The following DPP6 variants were observed in gnomAD, a reference collection of about 807,000 sequenced individuals.
DPP6 encodes the protein A-type potassium channel modulatory protein DPP6.
In DPP6, 69 loss-of-function variants were observed where a neutral mutation model predicts 122.6. That is an observed-to-expected ratio of 0.56 (90% CI 0.46 to 0.69). DPP6 has a LOEUF of 0.69. Ranked by LOEUF, DPP6 falls within the 30% of genes least tolerant of loss-of-function variation. The pLI is 0.00. For missense variants in DPP6, 928 were observed against 1,116.9 expected, an observed-to-expected ratio of 0.83 and a Z score of 2.41; for synonymous variants, 418 against 433.1, an observed-to-expected ratio of 0.97 and a Z score of 0.43.
intron 1 of DPP6, among the ~76,000 whole-genome samples, chr7:154,355,169 T>A (rs901239890): frequency 6.6e-6 from 1 of 152,206 alleles, no homozygotes; most frequent in Non-Finnish European, 1.5e-5. Flanking sequence ...CCTATTCAAG[T>A]TTTTTGCTCA....
intron 1 of DPP6, among the ~76,000 whole-genome samples, chr7:153,987,103 T>G (rs1307424365): frequency 1.3e-5 from 2 of 152,220 alleles, no homozygotes; most frequent in Non-Finnish European, 2.9e-5. Context: ...TATTTATTAT[T>G]TGGTAAAAGT....
At position 154,545,371 on chromosome 7, in the gene DPP6, C is replaced by T. The variant is rs550736971; in HGVS notation, c.552+4745C>T. ...CATTTGGCCAATGGTTGCCTGGTTCCTAAAGTCCTCATGAATTTTTATCTT... is the reference window on the plus strand; with the variant it reads ...CATTTGGCCAATGGTTGCCTGGTTCTTAAAGTCCTCATGAATTTTTATCTT... On this transcript the variant is annotated intron_variant, in intron 4 of 25. Coordinates refer to ENST00000377770, the MANE Select transcript of DPP6 (RefSeq NM_130797.4). Among the ~76,000 whole-genome samples, 3 of 152,080 alleles carry T rather than the reference C, an allele frequency of 2.0e-5. No homozygotes were observed. The South Asian group carries it at 6.2e-4, about 32-fold the overall frequency.
At chr7:153,965,161 G>A (rs1239751455) in intron 1 of DPP6, among the ~76,000 whole-genome samples, 1 of 151,716 alleles carries the variant, frequency 6.6e-6, no homozygotes, top group Non-Finnish European at 1.5e-5. Context: ...TGTAACCGTG[G>A]CTCTTATCCA....
intron 1 of DPP6, among the ~76,000 whole-genome samples, chr7:154,289,382 C>T (rs1278813614): frequency 6.6e-6 from 1 of 152,142 alleles, no homozygotes; most frequent in East Asian, 1.9e-4. Context: ...GAGCCCTTCC[C>T]ATCTGATCCT....
chr7:154,832,567 C>T lies in DPP6; in HGVS notation c.1667-21213C>T, dbSNP rs78527326. ...ATTAAGACACTCGTTACGTCTCACG[C>T]GAGGGCACACAGCTGATCAGGAGCT... On this transcript the variant is annotated intron_variant, in intron 16 of 25. Transcript: ENST00000377770. Among the ~76,000 whole-genome samples, 1,164 of 152,264 alleles carry T rather than the reference C, an allele frequency of 7.6e-3. 14 individuals are homozygous for T. Among genetic ancestry groups the T allele is most frequent in the African/African-American group, 0.025 (1,054 of 41,556 alleles).
chr7:154,655,725 G>T (rs973820817), intron 6 of DPP6, among the ~76,000 whole-genome samples: 5 of 152,222 alleles, frequency 3.3e-5, no homozygotes, highest in African/African-American at 1.2e-4. Context: ...AATGTGCAAG[G>T]TGGGGCCAGG....
intron 1 of DPP6, among the ~76,000 whole-genome samples, chr7:154,392,997 T>C (rs139429225): frequency 0.011 from 1,641 of 152,268 alleles, 20 homozygotes; most frequent in Middle Eastern, 0.024. Context: ...CAGAAGAAAA[T>C]ACATCTAGAT....
chr7:154,679,946 A>T (rs560899615), intron 7 of DPP6, among the ~76,000 whole-genome samples: 1 of 152,304 alleles, frequency 6.6e-6, no homozygotes, highest in South Asian at 2.1e-4. Context: ...GGGCTAAATC[A>T]CTTTAATATT....
chr7:153,973,974 C>T lies in DPP6; in HGVS notation c.51+86240C>T, dbSNP rs1280561955. Among the ~76,000 whole-genome samples the T allele has an allele frequency of 2.0e-5, 3 of 151,950 alleles. No individual in the cohort carries two copies. In the East Asian group the frequency reaches 5.8e-4, roughly 29 times the overall value. ...AAGTTTTACCCGATGAACCCTTAGC[C>T]ATCCTTGTTAGTCCTGCAGACAACC... On this transcript the variant is annotated intron_variant, in intron 1 of 25. Transcript: ENST00000404039.
intron 1 of DPP6, among the ~76,000 whole-genome samples, chr7:153,987,320 A>G (rs1056567059): frequency 6.6e-6 from 1 of 152,220 alleles, no homozygotes; most frequent in Non-Finnish European, 1.5e-5. Flanking sequence ...GCTTCAATGC[A>G]ATTTGCTTAC....
intron 1 of DPP6, among the ~76,000 whole-genome samples, chr7:154,109,617 A>G (rs1806423405): frequency 1.3e-5 from 2 of 152,218 alleles, no homozygotes; most frequent in African/African-American, 4.8e-5. Context: ...ATCTTTAAAA[A>G]TAATAATAGT....
At chr7:154,714,649 G>C (rs979875788) in intron 7 of DPP6, among the ~76,000 whole-genome samples, 1 of 152,076 alleles carries the variant, frequency 6.6e-6, no homozygotes, top group Non-Finnish European at 1.5e-5. Context: ...ATCTCCACCT[G>C]GTCCCTCCCA....
intron 1 of DPP6, among the ~76,000 whole-genome samples, chr7:154,085,939 G>C: frequency 6.6e-6 from 1 of 151,994 alleles, no homozygotes; most frequent in Non-Finnish European, 1.5e-5. Flanking sequence ...TGTTGGCCAG[G>C]CTCGTCTTGA....
At chr7:154,244,284 A>G (rs556245795) in intron 1 of DPP6, among the ~76,000 whole-genome samples, 80 of 152,304 alleles carry the variant, frequency 5.3e-4, no homozygotes, top group African/African-American at 1.8e-3. Context: ...CCTAAATTTT[A>G]TATAAAGCAA....
chr7:154,061,944 G>A (rs1181297456), intron 1 of DPP6, among the ~76,000 whole-genome samples: 1 of 130,316 alleles, frequency 7.7e-6, no homozygotes, highest in Admixed American at 7.8e-5. Flanking sequence ...AGGAGGGGGA[G>A]GCAACCCTGC....
intron 7 of DPP6, among the ~76,000 whole-genome samples, chr7:154,678,597 G>A (rs58163911): frequency 0.12 from 18,694 of 152,226 alleles, 1,238 homozygotes; most frequent in African/African-American, 0.17. Flanking sequence ...AACACTCACC[G>A]CGAGGGTCTG....
intron 1 of DPP6, among the ~76,000 whole-genome samples, chr7:153,953,345 A>G (rs1802309900): frequency 6.6e-6 from 1 of 152,184 alleles, no homozygotes; most frequent in South Asian, 2.1e-4. Context: ...CTAAGATCAC[A>G]CAGCTATTTA....
At chr7:153,776,756 C>G in the DPP6 span, among the ~76,000 whole-genome samples, 3 of 152,084 alleles carry the variant, frequency 2.0e-5, no homozygotes, top group African/African-American at 7.2e-5. Flanking sequence ...TAAATGCCCA[C>G]CCATAGAAAT....
intron 1 of DPP6, among the ~76,000 whole-genome samples, chr7:154,021,596 G>T (rs890376710): frequency 1.3e-5 from 2 of 152,176 alleles, no homozygotes; most frequent in African/African-American, 4.8e-5. Flanking sequence ...GTTATCCCCT[G>T]TGTATGTGGG....
Sources: gnomAD v4.1 joint callset for allele counts (sites outside exome capture counted in the v4.1 genomes callset) on GRCh38, gnomAD v4.1.1 for gene constraint, MANE v1.5 for transcripts, NCBI Gene and HGNC (gene_info 2026-07-23, HGNC 2026-07-21) for gene names.